LRRC56: variants seen among roughly 807,000 people sequenced by gnomAD.
LRRC56 encodes the protein leucine-rich repeat-containing protein 56.
In LRRC56, 41 loss-of-function variants were observed where a neutral mutation model predicts 47.8. That is an observed-to-expected ratio of 0.86 (90% confidence interval 0.67 to 1.11). The LOEUF is 1.11. Ranked by LOEUF, LRRC56 falls within the 50% of genes most tolerant of loss-of-function variation. The pLI is 0.00. For missense variants in LRRC56, 759 were observed against 704.2 expected (o/e 1.08, Z -0.88); for synonymous variants, 387 against 311.2 (o/e 1.24, Z -2.56).
intron 6 of LRRC56, among the ~76,000 whole-genome samples, chr11:546,316 C>G (rs906670722): frequency 1.3e-5 from 2 of 152,128 alleles, no homozygotes; most frequent in African/African-American, 4.8e-5. Context: ...CGCCTGTAAT[C>G]CCAGTACTTT....
chr11:516,898 G>A, the LRRC56 span, among the ~76,000 whole-genome samples: 4 of 152,306 alleles, frequency 2.6e-5, no homozygotes, highest in South Asian at 4.1e-4. Context: ...TGCCGAGGCT[G>A]GACTGTACTG....
At chr11:553,515 G>A (rs1263225263) in intron 13 of LRRC56, among the ~76,000 whole-genome samples, 1 of 152,182 alleles carries the variant, frequency 6.6e-6, no homozygotes, top group Non-Finnish European at 1.5e-5. Context: ...CCAGGAGGAG[G>A]GGAGCTGCAG....
the LRRC56 span, among the ~76,000 whole-genome samples, chr11:519,133 A>G: frequency 6.6e-6 from 1 of 152,352 alleles, no homozygotes; most frequent in East Asian, 1.9e-4. Flanking sequence ...AAGCTAGACG[A>G]CATTTTCAGA....
Position 552,606 on chromosome 11 carries a change from G to A in LRRC56, c.1219G>A (p.Gly407Arg). Residue 407 changes from glycine (G) to arginine (R), a missense_variant, in exon 13 of 14, where the codon GGG (glycine) becomes AGG (arginine). Physicochemically the swap from Gly to Arg is moderately radical, Grantham distance 125 (BLOSUM62 -2). Transcript: ENST00000270115. ...PYRHPESQQE[G>R]AVAPWGPRRV... Reference sequence around the variant, plus strand: ...TAGGCACCCGGAGTCCCAACAGGAAGGGGCTGTAGCCCCCTGGGGCCCACG... The same window carrying A: ...TAGGCACCCGGAGTCCCAACAGGAAAGGGCTGTAGCCCCCTGGGGCCCACG... The A allele has an allele frequency of 1.9e-6, 3 of 1,609,756 alleles. 1 individual carries two copies. In the South Asian group the frequency reaches 3.3e-5, roughly 18 times the overall value.
At chr11:509,086 T>TCACACACA in the LRRC56 span, among the ~76,000 whole-genome samples, 1 of 150,312 alleles carries the variant, frequency 6.7e-6, no homozygotes, top group African/African-American at 2.4e-5. Flanking sequence ...AGAAGGTGGT[T>TCACACACA]CACACACACA....
At chr11:552,874 C>G (rs1852489493) in intron 13 of LRRC56, among the ~76,000 whole-genome samples, 172 bp downstream of exon 13, 1 of 152,188 alleles carries the variant, frequency 6.6e-6, no homozygotes, top group South Asian at 2.1e-4. Context: ...GGCTCACGAC[C>G]AAGGGAGGCC....
At chr11:551,064 A>C in intron 8 of LRRC56, 67 bp from the exon 9 acceptor site, 1 of 956,488 alleles carries the variant, frequency 1.0e-6, no homozygotes, top group Non-Finnish European at 1.5e-6. Flanking sequence ...GAGCCAGGGA[A>C]AGAGCTGGCC....
the LRRC56 span, among the ~76,000 whole-genome samples, chr11:526,335 C>A: frequency 2.0e-5 from 3 of 152,190 alleles, no homozygotes; most frequent in African/African-American, 7.2e-5. Flanking sequence ...CAACTGCAAA[C>A]TGAAACCATA....
rs557333958 is a variant in LRRC56 at position 551,542 on chromosome 11, C to T, written c.797-109C>T. On this transcript the variant is annotated intron_variant, in intron 9 of 13. Coordinates refer to ENST00000270115, the MANE Select transcript of LRRC56 (RefSeq NM_198075.4). ...TCTAGAAGGCTGCAGCGTGAGAGGC[C>T]AGCCTCAGGCCATGCAGCATGGGGA... 994 of 1,212,768 alleles carry T rather than the reference C, an allele frequency of 8.2e-4. 9 individuals carry two copies. The highest frequency in any genetic ancestry group is 6.2e-3 in the South Asian group (406 of 65,462). The allele number at this position is 1,212,768 out of a possible 1,614,324, so 75.1% of individuals were successfully genotyped here.
At chr11:512,229 A>G in the LRRC56 span, among the ~76,000 whole-genome samples, 3 of 150,460 alleles carry the variant, frequency 2.0e-5, no homozygotes, top group Admixed American at 1.3e-4. Flanking sequence ...GGTGTGAGCC[A>G]CAAAGCCTTT....
chr11:534,122 G>A (rs1851305490), upstream of LRRC56: 2 of 1,225,714 alleles, frequency 1.6e-6, no homozygotes, highest in Admixed American at 1.7e-5. Flanking sequence ...ACCATGCAGG[G>A]GACCAGGGGC....
At chr11:531,618 T>C in the LRRC56 span, among the ~76,000 whole-genome samples, 1 of 149,644 alleles carries the variant, frequency 6.7e-6, no homozygotes, top group Non-Finnish European at 1.5e-5. Flanking sequence ...CGGGGGAGAG[T>C]GGGGCAGGAG....
At chr11:542,604 A>AAAAAAAAAAAAAAAAC in intron 5 of LRRC56, among the ~76,000 whole-genome samples, 1 of 147,942 alleles carries the variant, frequency 6.8e-6, no homozygotes, top group African/African-American at 2.5e-5. Context: ...AAAAAAAAAA[A>AAAAAAAAAAAAAAAAC]CACTCCCTCC....
chr11:512,074 G>C, the LRRC56 span, among the ~76,000 whole-genome samples: 1 of 151,404 alleles, frequency 6.6e-6, no homozygotes, highest in African/African-American at 2.4e-5. Context: ...CTCCCGAGTA[G>C]CTGGGACTAC....
At position 549,882 on chromosome 11, in the gene LRRC56, C is replaced by A; in HGVS notation, c.327-20C>A. On this transcript the variant is annotated intron_variant, in intron 6 of 13. Coordinates refer to ENST00000270115, the MANE Select transcript of LRRC56 (RefSeq NM_198075.4). ...CACAGGGCTGGGCACATGTTGACCA[C>A]CAAACCCTGCCTTCTGCAGGGACTT... is the stretch of plus-strand genomic sequence containing the variant. The A allele has an allele frequency of 6.2e-7, 1 of 1,609,802 alleles. No individual in the cohort carries two copies. The highest frequency in any genetic ancestry group is 8.5e-7 in the Non-Finnish European group (1 of 1,177,436).
intron 6 of LRRC56, among the ~76,000 whole-genome samples, chr11:546,700 C>T (rs1852099796): frequency 6.6e-6 from 1 of 152,094 alleles, no homozygotes; most frequent in Non-Finnish European, 1.5e-5. Context: ...CTGCAGCAGG[C>T]ACCCAGACGA....
At chr11:540,913 T>A in intron 4 of LRRC56, 52 bp downstream of exon 4, 1 of 1,364,654 alleles carries the variant, frequency 7.3e-7, no homozygotes, top group East Asian at 2.6e-5. Context: ...TGGGGTGACA[T>A]CCCAGGGCTC....
the LRRC56 span, among the ~76,000 whole-genome samples, chr11:528,038 G>A: frequency 6.6e-6 from 1 of 151,926 alleles, no homozygotes. Flanking sequence ...GTTTCACCGT[G>A]TTGGCCAGGC....
rs139348192 is a variant in LRRC56, at chr11:551,741, C to T, written c.887C>T (p.Ser296Phe). Residue 296 changes from serine (S) to phenylalanine (F), a missense_variant, in exon 10 of 14, where the codon TCC becomes TTC. Coordinates refer to ENST00000270115, the MANE Select transcript of LRRC56 (RefSeq NM_198075.4). The part of the protein sequence containing the change: ...QSRASRPWPF[S>F]LLVRGGPLPE... ...CGGGCCTCCAGGCCCTGGCCCTTCT[C>T]CCTGCTGGTCCGTGGGGGCCCCCTG... The T allele has an allele frequency of 5.5e-3, 8,830 of 1,611,532 alleles. 115 individuals carry two copies. The highest frequency in any genetic ancestry group is 0.034 in the South Asian group (3,096 of 90,928).
Sources: gnomAD v4.1 joint callset for allele counts (sites outside exome capture counted in the v4.1 genomes callset) on GRCh38, gnomAD v4.1.1 for gene constraint, MANE v1.5 for transcripts, NCBI Gene and HGNC (gene_info 2026-07-23, HGNC 2026-07-21) for gene names.